Variants in GALNTL6 observed in about 807,000 individuals in gnomAD.
GALNTL6 encodes the protein polypeptide N-acetylgalactosaminyltransferase-like 6.
In GALNTL6, 46 loss-of-function variants were observed where a neutral mutation model predicts 73.7. The ratio of observed to expected loss-of-function variants is 0.62; its 90% confidence interval spans 0.49 to 0.80. GALNTL6 has a LOEUF of 0.80. GALNTL6 is among the 30% of genes least tolerant of loss of function. The pLI is 0.00. For synonymous variants in GALNTL6, 259 were observed against 263.7 expected (o/e 0.98, Z 0.17); for missense variants, 604 against 755.0 (o/e 0.80, Z 2.34).
At position 172,179,957 on chromosome 4, in the gene GALNTL6, A is replaced by G. The variant is rs917089743; in HGVS notation, c.139-49699A>G. On this transcript the variant is annotated intron_variant, in intron 2 of 12. Coordinates refer to ENST00000506823, the MANE Select transcript of GALNTL6 (RefSeq NM_001034845.3). ...ATGATTTATAATCCTTTGTGTATACATCCAGTAATGTGATTGCTAGGTCAA... is the reference window on the plus strand; with the variant it reads ...ATGATTTATAATCCTTTGTGTATACGTCCAGTAATGTGATTGCTAGGTCAA... Among the ~76,000 whole-genome samples the G allele has an allele frequency of 6.2e-4, 94 of 152,218 alleles. 1 individual carries two copies. The highest frequency in any genetic ancestry group is 2.2e-3 in the African/African-American group (91 of 41,456).
intron 2 of GALNTL6, among the ~76,000 whole-genome samples, chr4:172,000,130 C>T (rs995264893): frequency 6.6e-6 from 1 of 152,016 alleles, no homozygotes; most frequent in Admixed American, 6.6e-5. Flanking sequence ...AGTGAGTTCA[C>T]CAGAACTCAG....
chr4:171,818,884 A>C (rs575867728), intron 2 of GALNTL6, among the ~76,000 whole-genome samples: 1 of 152,116 alleles, frequency 6.6e-6, no homozygotes, highest in South Asian at 2.1e-4. Flanking sequence ...ACTGCAGGGG[A>C]GCCTTCTTTT....
At chr4:171,936,299 T>C (rs968763822) in intron 2 of GALNTL6, among the ~76,000 whole-genome samples, 5 of 152,166 alleles carry the variant, frequency 3.3e-5, no homozygotes, top group Non-Finnish European at 5.9e-5. Flanking sequence ...ATGTAACATC[T>C]GTTCAAAGTA....
At chr4:172,905,040 A>T (rs1296529681) in intron 8 of GALNTL6, among the ~76,000 whole-genome samples, 1 of 152,154 alleles carries the variant, frequency 6.6e-6, no homozygotes, top group Non-Finnish European at 1.5e-5. Flanking sequence ...AGGCCTCTGT[A>T]TTCTTTCTAT....
At chr4:172,804,120 A>C (rs1740819162) in intron 5 of GALNTL6, among the ~76,000 whole-genome samples, 1 of 152,226 alleles carries the variant, frequency 6.6e-6, no homozygotes, top group Admixed American at 6.5e-5. Context: ...AAATATATAC[A>C]TGACATATGC....
chr4:172,485,001 G>A (rs1243312636), intron 5 of GALNTL6, among the ~76,000 whole-genome samples: 1 of 151,968 alleles, frequency 6.6e-6, no homozygotes, highest in African/African-American at 2.4e-5. Context: ...GAGCATAATT[G>A]GGAAAGAAAT....
intron 2 of GALNTL6, among the ~76,000 whole-genome samples, chr4:171,829,427 T>A (rs1734907808): frequency 6.6e-6 from 1 of 152,120 alleles, no homozygotes; most frequent in Non-Finnish European, 1.5e-5. Flanking sequence ...TTGTTTTCTT[T>A]GATACAGCTT....
At chr4:172,577,208 G>A (rs1315076863) in intron 5 of GALNTL6, among the ~76,000 whole-genome samples, 1 of 152,168 alleles carries the variant, frequency 6.6e-6, no homozygotes, top group Non-Finnish European at 1.5e-5. Flanking sequence ...AGCAAATATA[G>A]CACTACTGAC....
chr4:172,247,672 G>C (rs1172848801), intron 3 of GALNTL6, among the ~76,000 whole-genome samples: 2 of 152,130 alleles, frequency 1.3e-5, no homozygotes, highest in Non-Finnish European at 2.9e-5. Flanking sequence ...CCTTTAGGCT[G>C]GTTCATTAGA....
chr4:172,858,596 G>A (rs200032976), intron 7 of GALNTL6, among the ~76,000 whole-genome samples: 68 of 152,304 alleles, frequency 4.5e-4, no homozygotes, highest in Non-Finnish European at 6.2e-4. Context: ...TTGGGAGGCC[G>A]AGGTGGGTGG....
intron 2 of GALNTL6, among the ~76,000 whole-genome samples, chr4:171,830,231 G>C (rs1734930794): frequency 6.6e-6 from 1 of 152,120 alleles, no homozygotes; most frequent in Non-Finnish European, 1.5e-5. Context: ...GTGCATCCCT[G>C]CCAACACCTT....
chr4:172,808,087 T>A (rs932172558), intron 5 of GALNTL6, among the ~76,000 whole-genome samples: 2 of 152,176 alleles, frequency 1.3e-5, no homozygotes, highest in Admixed American at 1.3e-4. Context: ...CCTCCCAAAG[T>A]GCTGAGATTA....
chr4:172,049,218 T>A (rs986704087), intron 2 of GALNTL6, among the ~76,000 whole-genome samples: 5 of 148,004 alleles, frequency 3.4e-5, no homozygotes, highest in Non-Finnish European at 1.5e-5. Context: ...ATACTGAGAC[T>A]TCATGAAATA....
chr4:172,788,495 AC>A (rs1466984667), intron 5 of GALNTL6, among the ~76,000 whole-genome samples: 1 of 151,602 alleles, frequency 6.6e-6, no homozygotes, highest in African/African-American at 2.4e-5. Flanking sequence ...ACACGGTAAA[AC>A]CCCGTCTCTA....
intron 2 of GALNTL6, among the ~76,000 whole-genome samples, chr4:172,093,702 C>G (rs1408267566): frequency 6.6e-6 from 1 of 152,174 alleles, no homozygotes. Flanking sequence ...TGAAACCTAT[C>G]GTGAACTGCA....
chr4:172,907,826 T>C (rs1238313732), intron 8 of GALNTL6, among the ~76,000 whole-genome samples: 1 of 152,216 alleles, frequency 6.6e-6, no homozygotes, highest in Non-Finnish European at 1.5e-5. Flanking sequence ...GATTTGTTCT[T>C]AGGATAGATC....
chr4:171,814,703 GC>G lies in GALNTL6; in HGVS notation c.126del (p.Glu44SerfsTer21). On this transcript the variant is annotated frameshift_variant, in exon 2 of 13. Transcript: ENST00000506823. LOFTEE classifies it high-confidence loss of function. ...KDKHLVKSAE[P>X]GEQQTFPLGL... ...ATAAGCACCTGGTGAAGTCAGCGGA[GC>G]CCGGGGAGCAGCAGGTAAGTGCCAC... 1 of 1,613,998 alleles carries G rather than the reference GC, an allele frequency of 6.2e-7. No homozygotes were observed.
At chr4:172,080,667 A>G (rs1030172825) in intron 2 of GALNTL6, among the ~76,000 whole-genome samples, 2 of 151,788 alleles carry the variant, frequency 1.3e-5, no homozygotes, top group Admixed American at 1.3e-4. Context: ...TATATCGTAT[A>G]TCAATGCATA....
At chr4:172,830,635 T>C (rs1178823347) in intron 7 of GALNTL6, among the ~76,000 whole-genome samples, 2 of 152,114 alleles carry the variant, frequency 1.3e-5, no homozygotes, top group Admixed American at 6.5e-5. Flanking sequence ...ACCCTAACTG[T>C]AAGGTCATCA....
Sources: allele counts gnomAD v4.1 joint callset (sites outside exome capture counted in the v4.1 genomes callset), GRCh38; gene constraint gnomAD v4.1.1; transcripts MANE v1.5; gene names NCBI Gene and HGNC (gene_info 2026-07-23, HGNC 2026-07-21).